ARHGAP26: variants seen among roughly 807,000 people sequenced by gnomAD.
The protein encoded by ARHGAP26 is Rho GTPase activating protein 26, also known as rho GTPase-activating protein 26.
A neutral mutation model predicts 104.8 loss-of-function variants in ARHGAP26; 38 were observed. The ratio of observed to expected loss-of-function variants is 0.36; its 90% CI spans 0.28 to 0.48. ARHGAP26 has a LOEUF of 0.48. Ranked by LOEUF, ARHGAP26 falls within the 20% of genes least tolerant of loss-of-function variation. ARHGAP26 has a pLI of 0.99. For missense variants in ARHGAP26, 704 were observed against 947.9 expected (o/e 0.74, Z 3.38); for synonymous variants, 341 against 340.0 (o/e 1.00, Z -0.03).
At chr5:142,838,193 G>A (rs941805282) in intron 1 of ARHGAP26, among the ~76,000 whole-genome samples, 4 of 152,022 alleles carry the variant, frequency 2.6e-5, no homozygotes, top group African/African-American at 9.7e-5. Context: ...AGGAGGCAAA[G>A]GTTGCAGTGA....
chr5:142,922,617 A>G (rs1484709541), intron 10 of ARHGAP26, among the ~76,000 whole-genome samples: 4 of 152,120 alleles, frequency 2.6e-5, no homozygotes, highest in Non-Finnish European at 5.9e-5. Flanking sequence ...CTGTTTAAAC[A>G]TTACCCTTTA....
At chr5:142,984,814 A>G (rs1049233609) in intron 11 of ARHGAP26, among the ~76,000 whole-genome samples, 6 of 152,196 alleles carry the variant, frequency 3.9e-5, no homozygotes, top group African/African-American at 1.4e-4. Context: ...CAGTCATACA[A>G]AAGTAGAGCA....
At chr5:142,950,045 G>A (rs1768067405) in intron 11 of ARHGAP26, among the ~76,000 whole-genome samples, 1 of 152,224 alleles carries the variant, frequency 6.6e-6, no homozygotes, top group Non-Finnish European at 1.5e-5. Flanking sequence ...GAGGGCCTTG[G>A]AAGGTCTCAG....
intron 20 of ARHGAP26, among the ~76,000 whole-genome samples, chr5:143,196,021 A>G (rs915288642): frequency 1.3e-5 from 2 of 152,198 alleles, no homozygotes; most frequent in African/African-American, 4.8e-5. Flanking sequence ...CACCCAGGGA[A>G]TGCTACTAAT....
intron 11 of ARHGAP26, among the ~76,000 whole-genome samples, chr5:142,960,992 A>G (rs915565388): frequency 6.6e-6 from 1 of 152,086 alleles, no homozygotes; most frequent in Non-Finnish European, 1.5e-5. Flanking sequence ...TAAAATTACC[A>G]CTTGCCTCTT....
intron 11 of ARHGAP26, among the ~76,000 whole-genome samples, chr5:142,987,942 T>G (rs1046839122): frequency 6.6e-6 from 1 of 152,222 alleles, no homozygotes; most frequent in South Asian, 2.1e-4. Context: ...ATCAGGGATA[T>G]TGGCCTAAAA....
intron 1 of ARHGAP26, among the ~76,000 whole-genome samples, chr5:142,844,702 A>G (rs1448451404): frequency 6.6e-6 from 1 of 151,910 alleles, no homozygotes; most frequent in African/African-American, 2.4e-5. Context: ...TGTCAATATA[A>G]AAATTAGCCG....
chr5:143,091,259 C>G (rs912758302), intron 17 of ARHGAP26, among the ~76,000 whole-genome samples: 1 of 152,164 alleles, frequency 6.6e-6, no homozygotes, highest in Non-Finnish European at 1.5e-5. Flanking sequence ...GGGTCCTTCC[C>G]AGGCTGGCTT....
chr5:143,032,419 A>C (rs775970975), intron 12 of ARHGAP26, among the ~76,000 whole-genome samples: 1 of 152,300 alleles, frequency 6.6e-6, no homozygotes, highest in Middle Eastern at 3.4e-3. Flanking sequence ...TTAATGAGAG[A>C]TTATTGCTGG....
intron 5 of ARHGAP26, among the ~76,000 whole-genome samples, chr5:142,889,214 A>G (rs1342585339): frequency 6.6e-6 from 1 of 152,216 alleles, no homozygotes; most frequent in Non-Finnish European, 1.5e-5. Context: ...TTCATTCTGC[A>G]TGCATCTGTT....
chr5:143,066,299 A>G (rs1037466875), intron 17 of ARHGAP26, among the ~76,000 whole-genome samples: 10 of 152,230 alleles, frequency 6.6e-5, no homozygotes, highest in African/African-American at 2.4e-4. Context: ...AATGCACTCT[A>G]TGATGTTCAC....
chr5:142,846,826 A>C (rs539057281), intron 1 of ARHGAP26, among the ~76,000 whole-genome samples: 1 of 152,342 alleles, frequency 6.6e-6, no homozygotes, highest in Middle Eastern at 3.4e-3. Context: ...ATATGTATTG[A>C]TTAGTATGCT....
intron 17 of ARHGAP26, among the ~76,000 whole-genome samples, chr5:143,116,016 G>A (rs1795390091): frequency 4.9e-3 from 1 of 206 alleles, no homozygotes; most frequent in African/African-American, 0.021. Context: ...GGATAAGATG[G>A]GAATAGAAAT....
intron 11 of ARHGAP26, among the ~76,000 whole-genome samples, chr5:143,010,212 G>A (rs1476806278): frequency 6.6e-6 from 1 of 152,170 alleles, no homozygotes; most frequent in African/African-American, 2.4e-5. Flanking sequence ...CCACTGGAGT[G>A]ACTTGGTAGT....
chr5:142,779,735 A>C (rs1757118009), intron 1 of ARHGAP26, among the ~76,000 whole-genome samples: 1 of 152,224 alleles, frequency 6.6e-6, no homozygotes, highest in African/African-American at 2.4e-5. Flanking sequence ...ATAGATCTCC[A>C]AGCTGACTGA....
chr5:143,154,744 C>T (rs947041586), intron 20 of ARHGAP26, among the ~76,000 whole-genome samples: 1 of 152,204 alleles, frequency 6.6e-6, no homozygotes, highest in African/African-American at 2.4e-5. Context: ...ATTTGGAAAC[C>T]TCTGAATCCC....
chr5:142,915,193 C>G (rs1762319596), intron 10 of ARHGAP26, among the ~76,000 whole-genome samples: 1 of 152,094 alleles, frequency 6.6e-6, no homozygotes, highest in Non-Finnish European at 1.5e-5. Context: ...ACTCCCACAA[C>G]AGCTGTGCAT....
At chr5:142,970,859 G>T (rs766927573) in intron 11 of ARHGAP26, among the ~76,000 whole-genome samples, 2 of 152,194 alleles carry the variant, frequency 1.3e-5, no homozygotes. Flanking sequence ...AGGCTTTCTG[G>T]AGAAGGCGAT....
chr5:143,080,117 T>C (rs1331492061), intron 17 of ARHGAP26, among the ~76,000 whole-genome samples: 1 of 152,170 alleles, frequency 6.6e-6, no homozygotes, highest in African/African-American at 2.4e-5. Flanking sequence ...CCTTTATATG[T>C]AGGACTGCTA....
Sources: allele counts gnomAD v4.1 joint callset (sites outside exome capture counted in the v4.1 genomes callset), GRCh38; gene constraint gnomAD v4.1.1; transcripts MANE v1.5; gene names NCBI Gene and HGNC (gene_info 2026-07-23, HGNC 2026-07-21).